Variants in DLGAP2 observed in about 807,000 individuals in gnomAD.
DLGAP2 encodes disks large-associated protein 2.
A neutral mutation model predicts 100.3 loss-of-function variants in DLGAP2; 26 were observed. That is an observed-to-expected ratio of 0.26 (90% CI 0.19 to 0.36). The LOEUF is 0.36. DLGAP2 is among the 10% of genes least tolerant of loss of function. The pLI, the probability that DLGAP2 is intolerant of heterozygous loss-of-function variation, is 1.00. For missense variants in DLGAP2, 1,858 were observed against 1,453.2 expected, an observed-to-expected ratio of 1.28 and a Z score of -4.53; for synonymous variants, 886 against 630.1, an observed-to-expected ratio of 1.41 and a Z score of -6.08.
intron 6 of DLGAP2, among the ~76,000 whole-genome samples, chr8:1,576,301 T>A (rs1802975974): frequency 6.6e-6 from 1 of 152,242 alleles, no homozygotes; most frequent in African/African-American, 2.4e-5. Flanking sequence ...CTTCGCCCAC[T>A]TGTTGATGGG....
chr8:1,376,533 T>A (rs928735579), intron 3 of DLGAP2, among the ~76,000 whole-genome samples: 1 of 152,186 alleles, frequency 6.6e-6, no homozygotes, highest in Non-Finnish European at 1.5e-5. Flanking sequence ...TGAGGCGCTT[T>A]CAGAAGAAGA....
At chr8:1,640,079 C>A (rs1474120530) in intron 8 of DLGAP2, among the ~76,000 whole-genome samples, 4 of 152,216 alleles carry the variant, frequency 2.6e-5, no homozygotes, top group Non-Finnish European at 4.4e-5. Flanking sequence ...TGGTAGAGTG[C>A]ATGAATGAAT....
chr8:1,697,816 A>T (rs967987037), intron 14 of DLGAP2, among the ~76,000 whole-genome samples: 16 of 152,194 alleles, frequency 1.1e-4, no homozygotes, highest in African/African-American at 3.9e-4. Context: ...CTGTAGATCC[A>T]TCAGCCTCAA....
intron 3 of DLGAP2, among the ~76,000 whole-genome samples, chr8:1,497,392 G>A (rs771454866): frequency 6.6e-6 from 1 of 152,182 alleles, no homozygotes; most frequent in Non-Finnish European, 1.5e-5. Flanking sequence ...ACGGTCACGT[G>A]ATTTCAGAAC....
rs766842538 is a variant in DLGAP2 at position 1,548,648 on chromosome 8, C to G, written c.195C>G (p.Pro65=). ...CAGACCCGCAGTACTCATGGTCGCCCACGCAGCACTTCAATGAGGAGCGCT... is the reference window on the plus strand; with the variant it reads ...CAGACCCGCAGTACTCATGGTCGCCGACGCAGCACTTCAATGAGGAGCGCT... The part of the protein sequence containing the change: ...EDLDPQYSWS[P]TQHFNEERYS... The change falls in exon 5 of 15, where the codon CCC becomes CCG. Residue 65 remains proline (P), a synonymous_variant. Transcript: ENST00000637795. 2.6e-6 allele frequency: 4 copies of G among 1,563,520 alleles called. No homozygotes were observed. Among genetic ancestry groups the G allele is most frequent in the Middle Eastern group, 1.7e-4 (1 of 5,894 alleles).
At chr8:1,647,255 G>C (rs986224919) in intron 8 of DLGAP2, among the ~76,000 whole-genome samples, 1 of 152,060 alleles carries the variant, frequency 6.6e-6, no homozygotes, top group Non-Finnish European at 1.5e-5. Flanking sequence ...ATTCAGGGCT[G>C]CTCACAGTTA....
chr8:1,240,970 C>CGTGTCTAGTTCTCTCACATGGTGCT (rs1279330009), intron 2 of DLGAP2, among the ~76,000 whole-genome samples: 2 of 6,622 alleles, frequency 3.0e-4, no homozygotes, highest in Non-Finnish European at 8.4e-4. Context: ...TACATGGCGC[C>CGTGTCTAGTTCTCTCACATGGTGCT]GTGTCTAGTT....
chr8:1,364,508 G>GC (rs1026406439), intron 3 of DLGAP2, among the ~76,000 whole-genome samples: 154 of 149,970 alleles, frequency 1.0e-3, no homozygotes, highest in African/African-American at 3.1e-3. Flanking sequence ...AGGGCGGGGG[G>GC]GGTGCAGCGA....
rs1372196875 is a variant in DLGAP2 at position 1,413,191 on chromosome 8, C to T, written c.107-88175C>T. On this transcript the variant is annotated intron_variant, in intron 3 of 14. Transcript: ENST00000637795. Reference sequence around the variant, plus strand: ...CCAAGTCATGGCTTGTCTCCCTCCTCTCTGTAGCACCTTTGTATGTTTCAA... The same window carrying T: ...CCAAGTCATGGCTTGTCTCCCTCCTTTCTGTAGCACCTTTGTATGTTTCAA... Among the ~76,000 whole-genome samples, 4 of 152,160 alleles carry T rather than the reference C, an allele frequency of 2.6e-5. No individual in the cohort carries two copies. In the East Asian group the frequency reaches 7.7e-4, roughly 29 times the overall value.
intron 3 of DLGAP2, among the ~76,000 whole-genome samples, chr8:1,307,546 G>A (rs1326017480): frequency 6.6e-6 from 1 of 152,158 alleles, no homozygotes; most frequent in African/African-American, 2.4e-5. Context: ...TGGAAGCAGG[G>A]CTCAGATAAT....
intron 1 of DLGAP2, among the ~76,000 whole-genome samples, chr8:809,660 T>A (rs1796333872): frequency 1.3e-5 from 2 of 152,202 alleles, no homozygotes; most frequent in African/African-American, 4.8e-5. Flanking sequence ...TGACTGAAAT[T>A]GGTGAAGAAC....
intron 6 of DLGAP2, among the ~76,000 whole-genome samples, chr8:1,566,111 C>G: frequency 6.6e-6 from 1 of 152,176 alleles, no homozygotes; most frequent in East Asian, 1.9e-4. Context: ...AGGAAGTGTG[C>G]TTGGGCAACT....
intron 2 of DLGAP2, among the ~76,000 whole-genome samples, chr8:1,258,115 C>A (rs6994931): frequency 0.014 from 2,121 of 152,304 alleles, 49 homozygotes; most frequent in African/African-American, 0.048. Flanking sequence ...GACCTACATA[C>A]AGGGGACTCA....
intron 3 of DLGAP2, among the ~76,000 whole-genome samples, chr8:1,324,160 T>C (rs957419746): frequency 2.0e-5 from 3 of 152,216 alleles, no homozygotes; most frequent in Non-Finnish European, 4.4e-5. Context: ...ATTTTGAATA[T>C]GGACTGTTTG....
At chr8:798,396 C>T (rs974265610) in intron 1 of DLGAP2, among the ~76,000 whole-genome samples, 1 of 149,072 alleles carries the variant, frequency 6.7e-6, no homozygotes, top group Non-Finnish European at 1.5e-5. Context: ...TGACGGGTGC[C>T]TGCTTCCGTT....
intron 2 of DLGAP2, among the ~76,000 whole-genome samples, chr8:924,052 C>T (rs756318694): frequency 6.6e-6 from 1 of 152,200 alleles, no homozygotes; most frequent in Admixed American, 6.5e-5. Flanking sequence ...GCATCCATTG[C>T]GTATTGATGG....
At chr8:1,576,838 A>T (rs959952668) in intron 6 of DLGAP2, among the ~76,000 whole-genome samples, 1 of 152,158 alleles carries the variant, frequency 6.6e-6, no homozygotes, top group Non-Finnish European at 1.5e-5. Flanking sequence ...CTGTTTTGGT[A>T]CCAGTACAAG....
intron 3 of DLGAP2, among the ~76,000 whole-genome samples, chr8:1,416,247 A>G (rs989379066): frequency 1.3e-5 from 2 of 152,148 alleles, no homozygotes; most frequent in African/African-American, 2.4e-5. Flanking sequence ...GTCCATACAG[A>G]GTGGCGACCA....
At chr8:1,473,233 CA>C (rs1205907569) in intron 3 of DLGAP2, among the ~76,000 whole-genome samples, 1 of 152,186 alleles carries the variant, frequency 6.6e-6, no homozygotes. Context: ...GCCCAGCCCA[CA>C]AATGATTATA....
Sources: gnomAD v4.1 joint callset for allele counts (sites outside exome capture counted in the v4.1 genomes callset) on GRCh38, gnomAD v4.1.1 for gene constraint, MANE v1.5 for transcripts, NCBI Gene and HGNC (gene_info 2026-07-23, HGNC 2026-07-21) for gene names.